RALGPS2: variants seen among roughly 807,000 people sequenced by gnomAD.
The protein encoded by RALGPS2 is ras-specific guanine nucleotide-releasing factor RalGPS2.
A neutral mutation model predicts 86.8 loss-of-function variants in RALGPS2; 43 were observed. The ratio of observed to expected loss-of-function variants is 0.50; its 90% CI spans 0.39 to 0.64. RALGPS2 has a LOEUF of 0.64. Ranked by LOEUF, RALGPS2 falls within the 30% of genes least tolerant of loss-of-function variation. RALGPS2 has a pLI of 0.00. For synonymous variants in RALGPS2, 243 were observed against 231.3 expected, an observed-to-expected ratio of 1.05 and a Z score of -0.46; for missense variants, 536 against 694.6, an observed-to-expected ratio of 0.77 and a Z score of 2.57.
At chr1:178,861,725 GATAA>G (rs1658026381) in intron 8 of RALGPS2, among the ~76,000 whole-genome samples, 2 of 152,064 alleles carry the variant, frequency 1.3e-5, no homozygotes, top group African/African-American at 4.8e-5. Context: ...ACAAACTACT[GATAA>G]ATTATATAAA....
intron 4 of RALGPS2, among the ~76,000 whole-genome samples, chr1:178,786,144 C>G (rs1365502692): frequency 1.2e-4 from 18 of 152,008 alleles, no homozygotes. Flanking sequence ...GAGATTTGTT[C>G]TGCTATCTCA....
intron 1 of RALGPS2, among the ~76,000 whole-genome samples, chr1:178,730,395 C>A (rs536068902): frequency 6.6e-6 from 1 of 152,060 alleles, no homozygotes; most frequent in African/African-American, 2.4e-5. Flanking sequence ...AATCAGCATT[C>A]GTTGTTTACA....
At chr1:178,790,157 G>A (rs1206771469) in intron 4 of RALGPS2, among the ~76,000 whole-genome samples, 1 of 151,994 alleles carries the variant, frequency 6.6e-6, no homozygotes, top group Non-Finnish European at 1.5e-5. Flanking sequence ...TCGTTGTGCT[G>A]TCCAGGCTGG....
Position 178,814,550 on chromosome 1 carries a change from C to T in RALGPS2, c.387+3146C>T, listed in dbSNP as rs1448736041. ...TTCTGGGCCCAGGCAATCTTCCTAC[C>T]TCAGCCTCCCGAATAGTTAGGATTA... On this transcript the variant is annotated intron_variant, in intron 6 of 19. Coordinates refer to ENST00000367635, the MANE Select transcript of RALGPS2 (RefSeq NM_152663.5). Among the ~76,000 whole-genome samples the T allele has an allele frequency of 3.3e-5, 5 of 152,326 alleles. No individual in the cohort carries two copies. The East Asian group carries it at 9.7e-4, about 29-fold the overall frequency.
intron 8 of RALGPS2, among the ~76,000 whole-genome samples, chr1:178,845,581 C>A (rs79539345): frequency 0.024 from 3,730 of 152,278 alleles, 148 homozygotes; most frequent in African/African-American, 0.085. Context: ...CCCTTTCTAG[C>A]TCTTCCCATT....
intron 4 of RALGPS2, among the ~76,000 whole-genome samples, chr1:178,789,954 T>C (rs1653870043): frequency 6.6e-6 from 1 of 152,126 alleles, no homozygotes. Flanking sequence ...AAAATACTTT[T>C]AGCTTTTTTT....
At chr1:178,805,730 C>T (rs1478732305) in intron 4 of RALGPS2, among the ~76,000 whole-genome samples, 1 of 152,096 alleles carries the variant, frequency 6.6e-6, no homozygotes, top group Non-Finnish European at 1.5e-5. Context: ...TATATTCTCT[C>T]CCCCCATTTA....
chr1:178,831,145 AGT>A (rs1655999121), intron 7 of RALGPS2, among the ~76,000 whole-genome samples: 2 of 152,242 alleles, frequency 1.3e-5, no homozygotes, highest in South Asian at 4.1e-4. Context: ...CATTCAGAGT[AGT>A]GGTTACTGGT....
chr1:178,753,722 T>G (rs935980289), intron 1 of RALGPS2: 3 of 152,228 alleles, frequency 2.0e-5, no homozygotes, highest in Non-Finnish European at 4.4e-5. Context: ...CCAAGTGCTT[T>G]AAGCAGGAAG....
At chr1:178,872,715 C>G (rs1658824030) in intron 8 of RALGPS2, among the ~76,000 whole-genome samples, 1 of 152,180 alleles carries the variant, frequency 6.6e-6, no homozygotes, top group African/African-American at 2.4e-5. Flanking sequence ...ATAATAAATT[C>G]TTTCTGAGCT....
At chr1:178,912,152 C>A (rs1050995196) in intron 19 of RALGPS2, among the ~76,000 whole-genome samples, 1 of 152,096 alleles carries the variant, frequency 6.6e-6, no homozygotes, top group African/African-American at 2.4e-5. Flanking sequence ...CTTCTTTGGC[C>A]AGCTTATCAC....
intron 1 of RALGPS2, among the ~76,000 whole-genome samples, chr1:178,763,367 C>G (rs1284667486): frequency 6.6e-6 from 1 of 152,178 alleles, no homozygotes; most frequent in Non-Finnish European, 1.5e-5. Context: ...ACAGTTTTTT[C>G]TAATCCTGTG....
chr1:178,918,662 C>T lies in RALGPS2; in HGVS notation c.*2303C>T, dbSNP rs1660886515. 1 of 152,032 alleles carries T rather than the reference C, an allele frequency of 6.6e-6. No homozygotes were observed. The highest frequency in any genetic ancestry group is 1.5e-5 in the Non-Finnish European group (1 of 67,952). The allele number at this position is 152,032 out of a possible 1,614,324, so 9.4% of individuals were successfully genotyped here. A position where few individuals can be genotyped will look rare whatever the true frequency, so the allele number is the denominator to read the frequency against. On this transcript the variant is annotated 3_prime_UTR_variant, in exon 20 of 20. Transcript: ENST00000367635. Reference sequence around the variant, plus strand: ...CTAAATTTCTTAACAGCACAGAAGTCGTTGTTTTTCTGTCTTTAAAATTTA... The same window carrying T: ...CTAAATTTCTTAACAGCACAGAAGTTGTTGTTTTTCTGTCTTTAAAATTTA...
chr1:178,879,152 C>T (rs1454893770), intron 10 of RALGPS2, 160 bp downstream of exon 10: 2 of 1,013,970 alleles, frequency 2.0e-6, no homozygotes, highest in African/African-American at 1.7e-5. Flanking sequence ...TTCTTAATCA[C>T]TTGTTATGAT....
chr1:178,892,791 G>T (rs1245822426), intron 15 of RALGPS2, among the ~76,000 whole-genome samples: 1 of 152,032 alleles, frequency 6.6e-6, no homozygotes, highest in African/African-American at 2.4e-5. Context: ...TCAGTTGTTT[G>T]TCTGGTTAAA....
intron 5 of RALGPS2, among the ~76,000 whole-genome samples, chr1:178,810,530 AT>A (rs777484199): frequency 0.034 from 4,758 of 140,364 alleles, 200 homozygotes; most frequent in African/African-American, 0.1. Context: ...GCATAACTTG[AT>A]TTTTTTTTTT....
chr1:178,881,266 A>G (rs2102370987), intron 10 of RALGPS2, among the ~76,000 whole-genome samples: 1 of 152,336 alleles, frequency 6.6e-6, no homozygotes, highest in South Asian at 2.1e-4. Context: ...GAACAGCTTC[A>G]GGAGACAGCG....
intron 1 of RALGPS2, among the ~76,000 whole-genome samples, chr1:178,732,394 G>A (rs1650419528): frequency 6.6e-6 from 1 of 152,114 alleles, no homozygotes; most frequent in Non-Finnish European, 1.5e-5. Context: ...CATCTCCTGG[G>A]TTCAGGTGGT....
rs761548068 is a variant in RALGPS2 at position 178,725,264 on chromosome 1, A to AGCGGCGGCGGCGGCG, written c.-233_-219dup. The AGCGGCGGCGGCGGCG allele has an allele frequency of 2.7e-5, 1 of 37,206 alleles. No individual in the cohort carries two copies. Among genetic ancestry groups the AGCGGCGGCGGCGGCG allele is most frequent in the Admixed American group, 5.9e-4 (1 of 1,696 alleles). 2.3% of individuals were successfully genotyped at this position (37,206 alleles called of 1,614,324 possible). A position where few individuals can be genotyped will look rare whatever the true frequency, so the allele number is the denominator to read the frequency against. ...AGCTCACTCTCCTCCCCCGAGCGGC[A>AGCGGCGGCGGCGGCG]GCGGCGGCGGCGGCGGCGGCTGCTG... is the stretch of plus-strand genomic sequence containing the variant. On this transcript the variant is annotated 5_prime_UTR_variant, in exon 1 of 20. Coordinates refer to ENST00000367635, the MANE Select transcript of RALGPS2 (RefSeq NM_152663.5).
Sources: allele counts gnomAD v4.1 joint callset (sites outside exome capture counted in the v4.1 genomes callset), GRCh38; gene constraint gnomAD v4.1.1; transcripts MANE v1.5; gene names NCBI Gene and HGNC (gene_info 2026-07-23, HGNC 2026-07-21).